RNF213: variants seen among roughly 807,000 people sequenced by gnomAD.
RNF213 encodes the protein ring finger protein 213.
A neutral mutation model predicts 514.4 loss-of-function variants in RNF213; 341 were observed. The observed-to-expected ratio is 0.66, with a 90% confidence interval of 0.61 to 0.73. RNF213 has a LOEUF of 0.73. Ranked by LOEUF, RNF213 falls within the 30% of genes least tolerant of loss-of-function variation. The probability of loss-of-function intolerance (pLI) is 0.00; values close to 1 mark genes in which losing one functional copy is unlikely to be tolerated. For synonymous variants in RNF213, 2,655 were observed against 2,658.2 expected (o/e 1.00, Z 0.04); for missense variants, 5,767 against 6,615.6 (o/e 0.87, Z 4.45).
In RNF213 at chr17:80,389,650, G is replaced by A. The variant is rs544750030; in HGVS notation, c.15196-178G>A. On this transcript the variant is annotated intron_variant, in intron 65 of 67. Coordinates refer to ENST00000582970, the MANE Select transcript of RNF213 (RefSeq NM_001256071.3). ...TGATGTGAGCGGGCTGTGAGGTGCC[G>A]CAGGAGGGAACTGGTAGATAGGACA... is the stretch of plus-strand genomic sequence containing the variant. Among the ~76,000 whole-genome samples the A allele has an allele frequency of 1.2e-4, 19 of 152,326 alleles. No individual in the cohort carries two copies. The South Asian group carries it at 1.5e-3, about 12-fold the overall frequency.
chr17:80,362,962 C>T (rs2144389312), intron 39 of RNF213, 140 bp from the exon 40 acceptor site: 1 of 841,330 alleles, frequency 1.2e-6, no homozygotes, highest in South Asian at 1.6e-5. Flanking sequence ...GAAAACTGGA[C>T]AGAAGCAAAC....
At position 80,337,980 on chromosome 17, in the gene RNF213, G is replaced by A; in HGVS notation, c.4816G>A (p.Val1606Met). The change falls in exon 25 of 68, where the codon GTG (valine) becomes ATG (methionine). Residue 1606 changes from valine (V) to methionine (M), a missense_variant. By Grantham distance (21) the Val-to-Met change is conservative. Around this residue, in one of 13 missense-constraint regions of RNF213, gnomAD observed 1,377 missense variants for 1,635.2 expected, o/e 0.84. Coordinates refer to ENST00000582970, the MANE Select transcript of RNF213 (RefSeq NM_001256071.3). The part of the protein sequence containing the change: ...SGKKDRNNTE[V>M]ERFSEVFCSV... ...CAAGAAGGATCGTAACAACACGGAA[G>A]TGGAGAGGTTTTCAGAGGTGAGGGC... The A allele has an allele frequency of 6.5e-7, 1 of 1,537,322 alleles. No homozygotes were observed. Among genetic ancestry groups the A allele is most frequent in the South Asian group, 1.2e-5 (1 of 84,066 alleles).
At position 80,376,934 on chromosome 17, in the gene RNF213, G is replaced by A. The variant is rs1483901661; in HGVS notation, c.13481G>A (p.Trp4494Ter). Residue 4494 changes from tryptophan (W) to a stop codon, truncating the protein, a stop_gained, in exon 53 of 68, where the codon TGG becomes TAG. Coordinates refer to ENST00000582970, the MANE Select transcript of RNF213 (RefSeq NM_001256071.3). LOFTEE classifies it high-confidence loss of function. The stretch of plus-strand genomic sequence containing the variant: ...GACTTGCTGGCTCAAGCTCGGAGGT[G>A]GAAGGGTCTGGAGCGAGTCCACTGG... ...PEDLLAQARR[W>*]KGLERVHWYT... is the part of the protein sequence containing the mutation. The A allele has an allele frequency of 1.2e-6, 2 of 1,613,934 alleles. No individual in the cohort carries two copies. The highest frequency in any genetic ancestry group is 1.3e-5 in the African/African-American group (1 of 74,902).
chr17:80,347,600 C>T lies in RNF213; in HGVS notation c.9265C>T (p.Arg3089Cys), dbSNP rs750114968. 3.7e-6 allele frequency: 6 copies of T among 1,614,046 alleles called. No homozygotes were observed. The highest frequency in any genetic ancestry group is 5.1e-6 in the Non-Finnish European group (6 of 1,180,048). The part of the protein sequence containing the change: ...EYTQLCRNIN[R>C]VKICMETGKM... ...CACCCAGCTCTGCAGAAACATCAAT[C>T]GTGTGAAGATCTGCATGGAAACAGG... Residue 3089 changes from arginine to cysteine, a missense_variant, in exon 29 of 68, where the codon CGT (arginine) becomes TGT (cysteine). Physicochemically the swap from Arg to Cys is radical, Grantham distance 180. Transcript: ENST00000582970. This position sits in a 1 kb window ranked among gnomAD's most constrained non-coding sequence, Gnocchi z 7.2.
chr17:80,268,868 G>A (rs1301541724), intron 2 of RNF213, among the ~76,000 whole-genome samples: 1 of 152,160 alleles, frequency 6.6e-6, no homozygotes, highest in East Asian at 1.9e-4. Flanking sequence ...ATGGTAGGCC[G>A]TCTGCAAGCT....
chr17:80,319,565 G>A (rs750848146), intron 17 of RNF213: 141 of 1,601,740 alleles, frequency 8.8e-5, no homozygotes, highest in Middle Eastern at 2.2e-4. Flanking sequence ...ACGGCCGTGC[G>A]CGTGTGGCAC....
intron 17 of RNF213, among the ~76,000 whole-genome samples, chr17:80,322,322 A>G (rs2046167389): frequency 6.6e-6 from 1 of 151,652 alleles, no homozygotes; most frequent in Admixed American, 6.6e-5. Flanking sequence ...CACCATGTTC[A>G]GCTAATTAAA....
At position 80,353,458 on chromosome 17, in the gene RNF213, A is replaced by G; in HGVS notation, c.10424-54A>G. The G allele has an allele frequency of 1.5e-5, 23 of 1,559,318 alleles. No homozygotes were observed. The highest frequency in any genetic ancestry group is 2.0e-5 in the Non-Finnish European group (23 of 1,149,184). On this transcript the variant is annotated intron_variant, in intron 33 of 67. Coordinates refer to ENST00000582970, the MANE Select transcript of RNF213 (RefSeq NM_001256071.3). This position sits in a 1 kb window ranked among gnomAD's most constrained non-coding sequence, Gnocchi z 5.0. ...CAGACTCCCAGATGGCACCGCTGCC[A>G]GTCCCTGTGCCACCTTCTGAGTGGT... is the stretch of plus-strand genomic sequence containing the variant.
chr17:80,389,970 C>T, intron 66 of RNF213, 42 bp from the exon 67 acceptor site: 1 of 1,613,876 alleles, frequency 6.2e-7, no homozygotes, highest in Non-Finnish European at 8.5e-7. Context: ...CTCCCTTCTC[C>T]CTGCAGGCTT....
At chr17:80,361,599 A>T in intron 38 of RNF213, 135 bp from the exon 39 acceptor site, 1 of 855,708 alleles carries the variant, frequency 1.2e-6, no homozygotes, top group Non-Finnish European at 2.0e-6. Context: ...AAAATCAGGC[A>T]GTTGGTACCC....
Position 80,347,662 on chromosome 17 carries a change from C to T in RNF213, c.9327C>T (p.Tyr3109=), listed in dbSNP as rs778158475. Residue 3109 remains tyrosine (Y), a synonymous_variant, in exon 29 of 68, where the codon TAC becomes TAT. Transcript: ENST00000582970. This position sits in a 1 kb window ranked among gnomAD's most constrained non-coding sequence, Gnocchi z 7.2. ...TGCTTCTCAACCTGCAGAACCTCTA[C>T]GAGAGCCTCTACGACGCACTCAACC... The part of the protein sequence containing the change: ...MVLLLNLQNL[Y]ESLYDALNQY... 23 of 1,614,012 alleles carry T rather than the reference C, an allele frequency of 1.4e-5. No homozygotes were observed. Among genetic ancestry groups the T allele is most frequent in the South Asian group, 5.5e-5 (5 of 91,094 alleles).
chr17:80,268,625 A>G (rs2043691974), intron 2 of RNF213, among the ~76,000 whole-genome samples: 1 of 131,610 alleles, frequency 7.6e-6, no homozygotes. Flanking sequence ...CCATCCATCC[A>G]TCCATCCATC....
chr17:80,345,631 C>A lies in RNF213; in HGVS notation c.7296C>A (p.Phe2432Leu). 6.2e-7 allele frequency: 1 copy of A among 1,614,174 alleles called. No homozygotes were observed. Among genetic ancestry groups the A allele is most frequent in the Non-Finnish European group, 8.5e-7 (1 of 1,180,042 alleles). The change falls in exon 29 of 68, where the codon TTC becomes TTA. Residue 2432 changes from phenylalanine (F) to leucine (L), a missense_variant. By Grantham distance (22) the Phe-to-Leu change is conservative. Around this residue, in one of 13 missense-constraint regions of RNF213, gnomAD observed 1,377 missense variants for 1,635.2 expected, o/e 0.84. Transcript: ENST00000582970. The surrounding 1 kb of genome is among the most constrained non-coding windows in gnomAD (Gnocchi z 6.0). Reference sequence around the variant, plus strand: ...GTGGGAAAACCAGGCTTATTAAATTCCTTAGCGACCTGCGGCGTGGTGGTA... The same window carrying A: ...GTGGGAAAACCAGGCTTATTAAATTACTTAGCGACCTGCGGCGTGGTGGTA... ...TGCGKTRLIKFLSDLRRGGTN... is the reference protein window; with the variant it reads ...TGCGKTRLIKLLSDLRRGGTN...
At chr17:80,285,346 C>T (rs58724575) in intron 3 of RNF213, among the ~76,000 whole-genome samples, 5,221 of 152,304 alleles carry the variant, frequency 0.034, 320 homozygotes, top group African/African-American at 0.12. Flanking sequence ...CCTCTAAACC[C>T]AGCCCAGACG....
In RNF213 at chr17:80,346,285, GT is replaced by G; in HGVS notation, c.7952del (p.Phe2651SerfsTer9). 2 of 1,614,126 alleles carry G rather than the reference GT, an allele frequency of 1.2e-6. No homozygotes were observed. Among genetic ancestry groups the G allele is most frequent in the Non-Finnish European group, 1.7e-6 (2 of 1,180,022 alleles). On this transcript the variant is annotated frameshift_variant, in exon 29 of 68. Transcript: ENST00000582970. LOFTEE classifies it high-confidence loss of function. The surrounding 1 kb of genome is among the most constrained non-coding windows in gnomAD (Gnocchi z 8.1). ...AGCGCTGTGTGAAAGTTTTCAGGTG[GT>G]TCCACGAGCACAGCGCGATGCTCTT... ...VERCVKVFRW[F>X]HEHSAMLLAQ...
chr17:80,279,817 A>G (rs1050514946), intron 3 of RNF213, among the ~76,000 whole-genome samples: 1 of 152,194 alleles, frequency 6.6e-6, no homozygotes, highest in African/African-American at 2.4e-5. Flanking sequence ...AGGACTCACT[A>G]ATAATATCAA....
At chr17:80,262,444 G>C (rs1008587914) in intron 1 of RNF213, among the ~76,000 whole-genome samples, 14 of 151,928 alleles carry the variant, frequency 9.2e-5, no homozygotes, top group Non-Finnish European at 1.9e-4. Flanking sequence ...GGGTTGTCTT[G>C]TTGTGCAGAT....
chr17:80,295,921 T>C, intron 10 of RNF213, 108 bp downstream of exon 10: 2 of 1,269,832 alleles, frequency 1.6e-6, no homozygotes, highest in Non-Finnish European at 2.3e-6. Context: ...AGGCAAGAAA[T>C]AAAACCACCC....
chr17:80,372,719 C>G lies in RNF213; in HGVS notation c.12736C>G (p.Pro4246Ala), dbSNP rs933094795. Residue 4246 changes from proline to alanine, a missense_variant, in exon 48 of 68, where the codon CCT (proline) becomes GCT (alanine). Pro to Ala is a conservative substitution (Grantham distance 27). This residue lies in a region of RNF213 where 1,245 missense variants were observed against 1,339.0 expected (regional missense o/e 0.93). Transcript: ENST00000582970. ...LDRAADFLSE[P>A]EGGPEMAKEK... The stretch of plus-strand genomic sequence containing the variant: ...CAGAGCTGCAGATTTCCTCTCGGAG[C>G]CTGAGGGAGGCCCAGGCAAGTCTTC... The G allele has an allele frequency of 1.2e-6, 2 of 1,613,520 alleles. No homozygotes were observed. Among genetic ancestry groups the G allele is most frequent in the Non-Finnish European group, 1.7e-6 (2 of 1,180,026 alleles).
Sources: gnomAD v4.1 joint callset for allele counts (sites outside exome capture counted in the v4.1 genomes callset) on GRCh38, gnomAD v4.1.1 for gene constraint, gnomAD v4.1.1 regional missense constraint, Gnocchi (gnomAD v3.1) non-coding constraint, MANE v1.5 for transcripts, NCBI Gene and HGNC (gene_info 2026-07-23, HGNC 2026-07-21) for gene names.